Variants in CCNY observed in about 807,000 individuals in gnomAD.
CCNY encodes cyclin-Y.
CCNY carries 19 observed loss-of-function variants against 42.8 expected under a neutral mutation model. The ratio of observed to expected loss-of-function variants is 0.44; its 90% confidence interval spans 0.31 to 0.65. The LOEUF (loss-of-function observed/expected upper bound fraction) is 0.65, where lower values mean the gene tolerates loss of function less well. Among genes scored for constraint, CCNY ranks in the 30% least tolerant of loss-of-function variants. The pLI is 0.07. For missense variants in CCNY, 370 were observed against 437.3 expected, an observed-to-expected ratio of 0.85 and a Z score of 1.37; for synonymous variants, 165 against 162.7, an observed-to-expected ratio of 1.01 and a Z score of -0.11.
intron 1 of CCNY, among the ~76,000 whole-genome samples, chr10:35,442,011 G>A (rs1187756885): frequency 6.6e-6 from 1 of 152,164 alleles, no homozygotes; most frequent in African/African-American, 2.4e-5. Context: ...TAGTTAAAAC[G>A]ATGACATAAT....
chr10:35,551,468 A>G (rs1427288704), intron 7 of CCNY, among the ~76,000 whole-genome samples: 1 of 152,250 alleles, frequency 6.6e-6, no homozygotes, highest in Non-Finnish European at 1.5e-5. Flanking sequence ...GAATAATTAT[A>G]ACATTAATGG....
chr10:35,518,254 A>T (rs1405491741), intron 4 of CCNY, among the ~76,000 whole-genome samples: 1 of 152,222 alleles, frequency 6.6e-6, no homozygotes, highest in African/African-American at 2.4e-5. Flanking sequence ...TAAGTTAGAA[A>T]TATGTTGTCT....
At chr10:35,327,242 C>T (rs1835890636) in intron 3 of CCNY, among the ~76,000 whole-genome samples, 1 of 152,146 alleles carries the variant, frequency 6.6e-6, no homozygotes, top group Non-Finnish European at 1.5e-5. Flanking sequence ...TCCCTAAAAA[C>T]ATCTCTTTGC....
At chr10:35,505,232 T>C (rs781449253) in intron 3 of CCNY, among the ~76,000 whole-genome samples, 1 of 151,628 alleles carries the variant, frequency 6.6e-6, no homozygotes, top group Non-Finnish European at 1.5e-5. Flanking sequence ...TCCTGCCACC[T>C]GGTGATAGCA....
intron 3 of CCNY, among the ~76,000 whole-genome samples, chr10:35,272,767 T>C (rs1369700919): frequency 6.6e-6 from 1 of 152,184 alleles, no homozygotes; most frequent in Admixed American, 6.5e-5. Context: ...ATGATTTATT[T>C]TCTGTTAAGT....
At chr10:35,327,619 A>G (rs1394437384) in intron 3 of CCNY, 1 of 152,220 alleles carries the variant, frequency 6.6e-6, no homozygotes, top group Non-Finnish European at 1.5e-5. Context: ...CAATATTACA[A>G]TGTTCACTTT....
chr10:35,535,176 G>A (rs1386011755), intron 7 of CCNY, among the ~76,000 whole-genome samples: 2 of 151,978 alleles, frequency 1.3e-5, no homozygotes, highest in Non-Finnish European at 2.9e-5. Context: ...AGTGAACAAG[G>A]GCCCAGAGCT....
chr10:35,465,930 A>T (rs933937429), intron 1 of CCNY, among the ~76,000 whole-genome samples: 39 of 141,450 alleles, frequency 2.8e-4, no homozygotes, highest in African/African-American at 9.9e-4. Context: ...AGAGAGAGAG[A>T]GAGAGAGAGT....
intron 1 of CCNY, among the ~76,000 whole-genome samples, chr10:35,421,113 A>G (rs1027001592): frequency 6.6e-6 from 1 of 151,780 alleles, no homozygotes; most frequent in Non-Finnish European, 1.5e-5. Flanking sequence ...GTGTAGGACG[A>G]GGTTCAAAGG....
intron 3 of CCNY, among the ~76,000 whole-genome samples, chr10:35,287,618 G>C (rs1231008723): frequency 2.0e-5 from 3 of 152,056 alleles, no homozygotes; most frequent in African/African-American, 7.2e-5. Context: ...CTTTCACTCA[G>C]CATAATATTT....
chr10:35,497,718 C>T (rs1344166089), intron 2 of CCNY, among the ~76,000 whole-genome samples: 11 of 136,198 alleles, frequency 8.1e-5, no homozygotes, highest in Admixed American at 7.6e-5. Context: ...CAGAGCGAGA[C>T]TCCGTCTCAA....
intron 1 of CCNY, among the ~76,000 whole-genome samples, chr10:35,347,217 GGCTTGCTC>G: frequency 6.6e-6 from 1 of 152,332 alleles, no homozygotes; most frequent in East Asian, 1.9e-4. Context: ...GTATTTGAGT[GGCTTGCTC>G]AGCAGAGATG....
chr10:35,469,601 C>T lies in CCNY; in HGVS notation c.155-13803C>T, dbSNP rs116384061. ...ACAGGGAGATGGAGAGACAGACAGA[C>T]AGGGCAGTGGAGAGACAGATAGACA... On this transcript the variant is annotated intron_variant, in intron 1 of 9. Transcript: ENST00000374704. Among the ~76,000 whole-genome samples, 1,030 of 145,344 alleles carry T rather than the reference C, an allele frequency of 7.1e-3. 11 individuals are homozygous for T. The highest frequency in any genetic ancestry group is 0.025 in the African/African-American group (982 of 39,372).
At chr10:35,469,620 A>G (rs979675204) in intron 1 of CCNY, among the ~76,000 whole-genome samples, 1 of 151,518 alleles carries the variant, frequency 6.6e-6, no homozygotes, top group Non-Finnish European at 1.5e-5. Flanking sequence ...GGAGAGACAG[A>G]TAGACAGGGG....
chr10:35,350,760 C>G (rs1482802849), intron 1 of CCNY, among the ~76,000 whole-genome samples: 1 of 152,170 alleles, frequency 6.6e-6, no homozygotes, highest in Non-Finnish European at 1.5e-5. Flanking sequence ...GAGTCACTTC[C>G]ATTAGTCAGG....
In CCNY at chr10:35,336,980, C is replaced by A; in HGVS notation, c.-74C>A. The A allele has an allele frequency of 8.2e-7, 1 of 1,218,928 alleles. No individual in the cohort carries two copies. Among genetic ancestry groups the A allele is most frequent in the Non-Finnish European group, 1.0e-6 (1 of 955,656 alleles). The allele number at this position is 1,218,928 out of a possible 1,614,324, so 75.5% of individuals were successfully genotyped here. On this transcript the variant is annotated 5_prime_UTR_variant, in exon 1 of 10. Transcript: ENST00000374704. ...CCCCACACGCCCCCGCCGCCCGCGCCCCGCGTCCACCCGCGCCCCGCTCCC... is the reference window on the plus strand; with the variant it reads ...CCCCACACGCCCCCGCCGCCCGCGCACCGCGTCCACCCGCGCCCCGCTCCC...
intron 2 of CCNY, among the ~76,000 whole-genome samples, chr10:35,495,597 C>T (rs1453584781): frequency 1.3e-5 from 2 of 152,206 alleles, no homozygotes; most frequent in African/African-American, 2.4e-5. Context: ...CAGAATGTCA[C>T]GTTCCTCTGT....
At chr10:35,562,684 G>T (rs1430275424) in intron 8 of CCNY, among the ~76,000 whole-genome samples, 2 of 152,050 alleles carry the variant, frequency 1.3e-5, no homozygotes, top group African/African-American at 2.4e-5. Flanking sequence ...TTCACTGGGG[G>T]TCTGTGTCCC....
chr10:35,394,789 G>T (rs1415646707), intron 1 of CCNY: 1 of 969,020 alleles, frequency 1.0e-6, no homozygotes, highest in Non-Finnish European at 1.2e-6. Flanking sequence ...AAGGGCCTTG[G>T]TGACCACACC....
Sources: gnomAD v4.1 joint callset for allele counts (sites outside exome capture counted in the v4.1 genomes callset) on GRCh38, gnomAD v4.1.1 for gene constraint, MANE v1.5 for transcripts, NCBI Gene and HGNC (gene_info 2026-07-23, HGNC 2026-07-21) for gene names.